The following LAMA1 variants were observed in gnomAD, a reference collection of about 807,000 sequenced individuals.
The protein encoded by LAMA1 is laminin subunit alpha 1.
Under a neutral mutation model 348.7 loss-of-function variants are expected in LAMA1, and 219 were observed. The observed-to-expected ratio is 0.63, with a 90% confidence interval of 0.56 to 0.70. The LOEUF (loss-of-function observed/expected upper bound fraction) is 0.70, where lower values mean the gene tolerates loss of function less well. Ranked by LOEUF, LAMA1 falls within the 30% of genes least tolerant of loss-of-function variation. LAMA1 has a pLI of 0.00. For synonymous variants in LAMA1, 1,487 were observed against 1,491.0 expected (o/e 1.00, Z 0.06); for missense variants, 3,744 against 3,888.0 (o/e 0.96, Z 0.99).
intron 32 of LAMA1, among the ~76,000 whole-genome samples, chr18:6,998,364 C>T (rs1053641802): frequency 5.3e-5 from 8 of 152,120 alleles, no homozygotes; most frequent in African/African-American, 1.4e-4. Context: ...AACTGGAGAA[C>T]GGATGCACCT....
chr18:6,955,428 G>T lies in LAMA1; in HGVS notation c.8132C>A (p.Pro2711His), dbSNP rs1033566262. The T allele has an allele frequency of 1.2e-6, 2 of 1,613,904 alleles. No homozygotes were observed. The highest frequency in any genetic ancestry group is 1.3e-5 in the African/African-American group (1 of 74,858). Residue 2711 changes from proline (P) to histidine (H), a missense_variant, in exon 57 of 63, where the codon CCC becomes CAC. By Grantham distance (77) the Pro-to-His change is moderately conservative. Around this residue, in one of 3 missense-constraint regions of LAMA1, gnomAD observed 1,983 missense variants for 1,934.3 expected, o/e 1.03. Transcript: ENST00000389658. ...TGTGAGACCAAACTGGTGAGCGCCGGGAACGTACTCCAGAGCTGCATCCAC... is the reference window on the plus strand; with the variant it reads ...TGTGAGACCAAACTGGTGAGCGCCGTGAACGTACTCCAGAGCTGCATCCAC... ...CVVDAALEYV[P>H]GAHQFGLTQN...
rs761195319 is a variant in LAMA1 at position 7,000,000 on chromosome 18, G to A, written c.4383-3C>T. 1 of 1,607,760 alleles carries A rather than the reference G, an allele frequency of 6.2e-7. No individual in the cohort carries two copies. The highest frequency in any genetic ancestry group is 1.1e-5 in the South Asian group (1 of 90,836). On this transcript the variant is annotated splice_polypyrimidine_tract_variant and splice_region_variant and intron_variant, in intron 30 of 62. Transcript: ENST00000389658. ...CCAAGACACAAGTGGGACTAAAACT[G>A]GAGGAAAAGAATTTCTTTTTGAATT...
chr18:6,972,162 T>G, intron 47 of LAMA1, 181 bp from the exon 48 acceptor site: 1 of 627,450 alleles, frequency 1.6e-6, no homozygotes, highest in Non-Finnish European at 2.8e-6. Context: ...TGAAGTGGAA[T>G]CCTAGAATGA....
intron 19 of LAMA1, among the ~76,000 whole-genome samples, chr18:7,022,155 G>A (rs1400448664): frequency 2.0e-5 from 3 of 152,030 alleles, no homozygotes; most frequent in Non-Finnish European, 4.4e-5. Flanking sequence ...TAGCTTCCCA[G>A]TAGACTTGAA....
At chr18:7,032,886 A>G in intron 15 of LAMA1, 98 bp downstream of exon 15, 1 of 896,920 alleles carries the variant, frequency 1.1e-6, no homozygotes, top group Non-Finnish European at 1.8e-6. Context: ...GGGCTGCTAA[A>G]GCTAAAAATC....
intron 19 of LAMA1, 71 bp from the exon 20 acceptor site, chr18:7,017,455 C>G: frequency 3.0e-6 from 3 of 1,012,330 alleles, no homozygotes; most frequent in Non-Finnish European, 4.5e-6. Context: ...CCGTCATCCC[C>G]AAAGGAAAAA....
rs1568036474 is a variant in LAMA1, at chr18:7,026,036, CG to C, written c.2344del (p.Arg782GlufsTer16). On this transcript the variant is annotated frameshift_variant, in exon 17 of 63. Transcript: ENST00000389658. LOFTEE classifies it high-confidence loss of function. ...CLPGFYGEPSRGTPGDCQPCA... is the reference protein window; with the variant it reads ...CLPGFYGEPSXGTPGDCQPCA... ...GGGCTGGCAGTCCCCAGGTGTCCCTCGGGAAGGCTCCCCGTAGAAGCCGGGC... is the reference window on the plus strand; with the variant it reads ...GGGCTGGCAGTCCCCAGGTGTCCCTCGGAAGGCTCCCCGTAGAAGCCGGGC... The C allele has an allele frequency of 2.5e-6, 4 of 1,609,478 alleles. No individual in the cohort carries two copies. In the South Asian group the frequency reaches 4.4e-5, roughly 18 times the overall value.
chr18:6,957,194 T>C (rs509497), intron 55 of LAMA1: 121,902 of 280,630 alleles, frequency 0.43, 27,423 homozygotes, highest in African/African-American at 0.49. Flanking sequence ...GCTTGTCACA[T>C]GCACTTTCAC....
At chr18:7,030,664 A>G (rs1386944135) in intron 16 of LAMA1, among the ~76,000 whole-genome samples, 3 of 152,176 alleles carry the variant, frequency 2.0e-5, no homozygotes, top group African/African-American at 7.2e-5. Context: ...TTAAAGCTAT[A>G]AAATTATTAT....
intron 3 of LAMA1, among the ~76,000 whole-genome samples, chr18:7,075,340 A>G (rs1050980925): frequency 2.0e-5 from 3 of 152,174 alleles, no homozygotes; most frequent in African/African-American, 4.8e-5. Context: ...AAAAAGCACA[A>G]GGTCAGGCGC....
intron 49 of LAMA1, 50 bp downstream of exon 49, chr18:6,966,097 A>G (rs769885679): frequency 6.2e-7 from 1 of 1,600,652 alleles, no homozygotes; most frequent in Non-Finnish European, 8.6e-7. Context: ...CCACATAGCA[A>G]TCTAAATGTG....
At chr18:7,052,557 C>A (rs996980182) in intron 3 of LAMA1, among the ~76,000 whole-genome samples, 2 of 151,564 alleles carry the variant, frequency 1.3e-5, no homozygotes, top group Non-Finnish European at 2.9e-5. Flanking sequence ...TGAAACCACA[C>A]CTCTACTAAA....
chr18:7,117,721 C>G lies in LAMA1; in HGVS notation c.-1G>C. 6.3e-7 allele frequency: 1 copy of G among 1,596,924 alleles called. No individual in the cohort carries two copies. The highest frequency in any genetic ancestry group is 8.5e-7 in the Non-Finnish European group (1 of 1,177,972). ...AGACCAGGAGCACGCCCCCGCGCAT[C>G]TCGCCTCCGCCGCCACTCGGTGGGT... On this transcript the variant is annotated 5_prime_UTR_variant, in exon 1 of 63. Coordinates refer to ENST00000389658, the MANE Select transcript of LAMA1 (RefSeq NM_005559.4).
At chr18:7,043,180 C>G in intron 8 of LAMA1, 47 bp downstream of exon 8, 1 of 1,595,344 alleles carries the variant, frequency 6.3e-7, no homozygotes, top group East Asian at 2.2e-5. Context: ...CTCTTTTCCA[C>G]CTGGGGAAGA....
chr18:6,982,681 C>T, intron 40 of LAMA1, 91 bp from the exon 41 acceptor site: 1 of 1,038,918 alleles, frequency 9.6e-7, no homozygotes, highest in South Asian at 1.3e-5. Context: ...GAGTAGCCCC[C>T]AGACACATTC....
chr18:7,006,704 C>T (rs2057833678), intron 29 of LAMA1, among the ~76,000 whole-genome samples: 1 of 152,166 alleles, frequency 6.6e-6, no homozygotes, highest in Admixed American at 6.5e-5. Flanking sequence ...TGCTCCTGGG[C>T]CACAAACCTG....
intron 8 of LAMA1, 69 bp from the exon 9 acceptor site, chr18:7,042,319 A>C: frequency 3.2e-6 from 3 of 931,628 alleles, no homozygotes; most frequent in Non-Finnish European, 5.2e-6. Flanking sequence ...AGTATAAATA[A>C]GAAGGTATTG....
Position 7,003,485 on chromosome 18 carries a change from C to T in LAMA1, c.4261-1100G>A, listed in dbSNP as rs868152181. Among the ~76,000 whole-genome samples the T allele has an allele frequency of 4.6e-5, 7 of 152,270 alleles. No homozygotes were observed. The Middle Eastern group carries it at 0.017, about 372-fold the overall frequency. On this transcript the variant is annotated intron_variant, in intron 29 of 62. Transcript: ENST00000389658. ...GTGTTAGCCAGGATGGTCTCGATCT[C>T]CTGACCTTGTGATCTGCCCGCCTCG...
At position 6,973,323 on chromosome 18, in the gene LAMA1, C is replaced by T. The variant is rs948639083; in HGVS notation, c.6624-116G>A. 8 of 899,360 alleles carry T rather than the reference C, an allele frequency of 8.9e-6. No homozygotes were observed. The East Asian group carries it at 1.1e-4, about 12-fold the overall frequency. 55.7% of individuals were successfully genotyped at this position (899,360 alleles called of 1,614,324 possible). A position where few individuals can be genotyped will look rare whatever the true frequency, so the allele number is the denominator to read the frequency against. On this transcript the variant is annotated intron_variant, in intron 46 of 62. Transcript: ENST00000389658. ...CTCCCCAAGGGCCCTGCAACAGCACCCCCCTGCTGGCCTCCTGGCTTCCAG... is the reference window on the plus strand; with the variant it reads ...CTCCCCAAGGGCCCTGCAACAGCACTCCCCTGCTGGCCTCCTGGCTTCCAG...
Sources: allele counts gnomAD v4.1 joint callset (sites outside exome capture counted in the v4.1 genomes callset), GRCh38; gene constraint gnomAD v4.1.1; regional missense constraint gnomAD v4.1.1; transcripts MANE v1.5; gene names NCBI Gene and HGNC (gene_info 2026-07-23, HGNC 2026-07-21).